The following ABCB1 variants were observed in gnomAD, a reference collection of about 807,000 sequenced individuals.
ABCB1 encodes ATP binding cassette subfamily B member 1.
Under a neutral mutation model 142.0 loss-of-function variants are expected in ABCB1, and 69 were observed. That is an observed-to-expected ratio of 0.49 (90% CI 0.40 to 0.59). The LOEUF is 0.59. Among genes scored for constraint, ABCB1 ranks in the 20% least tolerant of loss-of-function variants. The pLI is 0.00. For synonymous variants in ABCB1, 532 were observed against 539.2 expected (o/e 0.99, Z 0.18); for missense variants, 1,326 against 1,554.7 (o/e 0.85, Z 2.47).
intron 1 of ABCB1, among the ~76,000 whole-genome samples, chr7:87,677,455 T>C (rs28381746): frequency 1.0e-3 from 156 of 151,932 alleles, no homozygotes; most frequent in African/African-American, 3.7e-3. Flanking sequence ...ATGTATTAGA[T>C]ATGGAGCCTA....
intron 18 of ABCB1, among the ~76,000 whole-genome samples, chr7:87,540,110 G>A (rs1816469553): frequency 6.6e-6 from 1 of 152,158 alleles, no homozygotes; most frequent in East Asian, 1.9e-4. Flanking sequence ...CTCTTATAAT[G>A]TCCAGAAAAA....
chr7:87,682,742 T>C (rs1226752252), intron 1 of ABCB1, among the ~76,000 whole-genome samples: 1 of 152,222 alleles, frequency 6.6e-6, no homozygotes, highest in African/African-American at 2.4e-5. Flanking sequence ...AGAGTAGATT[T>C]AGCATAATTC....
Position 87,669,361 on chromosome 7 carries a change from T to G in ABCB1, c.-331+43800A>C, listed in dbSNP as rs546321371. Among the ~76,000 whole-genome samples the G allele has an allele frequency of 2.6e-5, 4 of 152,292 alleles. No individual in the cohort carries two copies. In the East Asian group the frequency reaches 7.7e-4, roughly 29 times the overall value. On this transcript the variant is annotated intron_variant, in intron 1 of 28. Transcript: ENST00000265724. ...TCTTTATCTCTTTATTTTGAGCCTA[T>G]GAGTGTCATTACATGTGAGATGGGT... is the stretch of plus-strand genomic sequence containing the variant.
chr7:87,519,284 C>T, intron 23 of ABCB1, 42 bp downstream of exon 23: 1 of 1,587,806 alleles, frequency 6.3e-7, no homozygotes, highest in South Asian at 1.1e-5. Context: ...TTCATCCCAG[C>T]TTTATTTTTA....
At chr7:87,611,596 C>T (rs1333036039) in intron 1 of ABCB1, among the ~76,000 whole-genome samples, 1 of 150,664 alleles carries the variant, frequency 6.6e-6, no homozygotes, top group Non-Finnish European at 1.5e-5. Flanking sequence ...TGTAGATGTA[C>T]CACATTTTCT....
chr7:87,661,516 C>G (rs569558679), intron 1 of ABCB1, among the ~76,000 whole-genome samples: 1 of 151,680 alleles, frequency 6.6e-6, no homozygotes, highest in Non-Finnish European at 1.5e-5. Flanking sequence ...TGAAAATGAG[C>G]GAAGTTTGTC....
chr7:87,652,621 G>GATAT (rs373344881), intron 1 of ABCB1, among the ~76,000 whole-genome samples: 14,054 of 125,212 alleles, frequency 0.11, 983 homozygotes, highest in Admixed American at 0.2. Flanking sequence ...TGTGGTCACT[G>GATAT]ATATATATAT....
At chr7:87,589,435 G>C (rs1818893444) in intron 3 of ABCB1, among the ~76,000 whole-genome samples, 1 of 152,142 alleles carries the variant, frequency 6.6e-6, no homozygotes, top group African/African-American at 2.4e-5. Context: ...AAAAAACGTT[G>C]TAACACAGGT....
chr7:87,562,211 G>T (rs1320817437), intron 7 of ABCB1, among the ~76,000 whole-genome samples: 1 of 152,208 alleles, frequency 6.6e-6, no homozygotes, highest in Admixed American at 6.5e-5. Flanking sequence ...GACAGCTAGA[G>T]GAATGGGTGG....
At chr7:87,674,319 A>G (rs1228943493) in intron 1 of ABCB1, among the ~76,000 whole-genome samples, 2 of 152,152 alleles carry the variant, frequency 1.3e-5, no homozygotes, top group East Asian at 1.9e-4. Context: ...ACTGGCATCC[A>G]TGCATGCTCT....
intron 1 of ABCB1, among the ~76,000 whole-genome samples, chr7:87,620,438 G>T (rs1375010559): frequency 2.0e-5 from 3 of 152,132 alleles, no homozygotes; most frequent in East Asian, 3.9e-4. Flanking sequence ...GATTACAGGC[G>T]AGTAACTCGT....
intron 1 of ABCB1, among the ~76,000 whole-genome samples, chr7:87,689,275 T>A (rs1389454112): frequency 1.3e-5 from 2 of 152,126 alleles, no homozygotes; most frequent in Non-Finnish European, 2.9e-5. Context: ...TGATCTCTGA[T>A]GGTAATTCAT....
intron 1 of ABCB1, among the ~76,000 whole-genome samples, chr7:87,650,409 A>G (rs1823457429): frequency 6.6e-6 from 1 of 152,084 alleles, no homozygotes; most frequent in Admixed American, 6.6e-5. Flanking sequence ...CCCATTCCTC[A>G]TAGATGACAC....
At chr7:87,538,101 G>T (rs144199871) in intron 19 of ABCB1, among the ~76,000 whole-genome samples, 20 of 152,318 alleles carry the variant, frequency 1.3e-4, no homozygotes, top group African/African-American at 4.6e-4. Context: ...TAAGCAGAAG[G>T]CACTTAATAA....
chr7:87,568,811 T>C (rs904333076), intron 5 of ABCB1, among the ~76,000 whole-genome samples: 1 of 152,230 alleles, frequency 6.6e-6, no homozygotes, highest in African/African-American at 2.4e-5. Context: ...TCTATCTAAG[T>C]GTTCATTATA....
intron 1 of ABCB1, among the ~76,000 whole-genome samples, chr7:87,701,594 AT>A (rs1443616366): frequency 6.6e-6 from 1 of 152,224 alleles, no homozygotes; most frequent in African/African-American, 2.4e-5. Flanking sequence ...AGTAGATTTA[AT>A]GTACTATAGT....
intron 2 of ABCB1, among the ~76,000 whole-genome samples, chr7:87,597,394 C>G (rs1819250873): frequency 6.6e-6 from 1 of 151,976 alleles, no homozygotes; most frequent in African/African-American, 2.4e-5. Context: ...CCATATGCTT[C>G]TTTACAATCC....
intron 21 of ABCB1, chr7:87,521,402 T>C: frequency 1.6e-6 from 1 of 640,408 alleles, no homozygotes; most frequent in Non-Finnish European, 2.8e-6. Flanking sequence ...CGCTTACCCC[T>C]TTCTGCCCGT....
At chr7:87,564,102 A>G in intron 7 of ABCB1, 1 of 449,310 alleles carries the variant, frequency 2.2e-6, no homozygotes, top group Non-Finnish European at 4.4e-6. Context: ...AATCTGTATA[A>G]CAAATGCCCA....
Sources: gnomAD v4.1 joint callset for allele counts (sites outside exome capture counted in the v4.1 genomes callset) on GRCh38, gnomAD v4.1.1 for gene constraint, MANE v1.5 for transcripts, NCBI Gene and HGNC (gene_info 2026-07-23, HGNC 2026-07-21) for gene names.